Variants in ALMS1 observed in about 807,000 individuals in gnomAD.
The protein encoded by ALMS1 is centrosome-associated protein ALMS1.
Under a neutral mutation model 352.2 loss-of-function variants are expected in ALMS1, and 271 were observed. That is an observed-to-expected ratio of 0.77 (90% CI 0.70 to 0.85). ALMS1 has a LOEUF of 0.85. Ranked by LOEUF, ALMS1 falls within the 40% of genes least tolerant of loss-of-function variation. The probability of loss-of-function intolerance (pLI) is 0.00; values close to 1 mark genes in which losing one functional copy is unlikely to be tolerated. For missense variants in ALMS1, 5,445 were observed against 4,870.7 expected, an observed-to-expected ratio of 1.12 and a Z score of -3.51; for synonymous variants, 1,865 against 1,761.2, an observed-to-expected ratio of 1.06 and a Z score of -1.48.
At chr2:73,604,668 T>G (rs143997341) in intron 21 of ALMS1, among the ~76,000 whole-genome samples, 76 of 152,342 alleles carry the variant, frequency 5.0e-4, no homozygotes, top group African/African-American at 1.8e-3. Context: ...TTTGGATGCT[T>G]TAGTCCAGTG....
At chr2:73,536,000 G>A (rs1227745489) in intron 12 of ALMS1, among the ~76,000 whole-genome samples, 4 of 151,776 alleles carry the variant, frequency 2.6e-5, no homozygotes, top group Non-Finnish European at 4.4e-5. Flanking sequence ...ATACAACCTC[G>A]CCTGATTTCC....
intron 14 of ALMS1, among the ~76,000 whole-genome samples, chr2:73,558,136 G>T (rs1455017526): frequency 6.6e-6 from 1 of 152,194 alleles, no homozygotes; most frequent in Non-Finnish European, 1.5e-5. Context: ...ATGGTCACAT[G>T]TACCAGGGAA....
intron 16 of ALMS1, among the ~76,000 whole-genome samples, chr2:73,594,044 T>C (rs1055687827): frequency 1.3e-5 from 2 of 152,256 alleles, no homozygotes; most frequent in Non-Finnish European, 2.9e-5. Context: ...AATATTCATG[T>C]AGAAGTTTTT....
intron 12 of ALMS1, 34 bp from the exon 13 acceptor site, chr2:73,550,233 T>A: frequency 6.2e-7 from 1 of 1,612,096 alleles, no homozygotes; most frequent in Non-Finnish European, 8.5e-7. Context: ...ATGTCGCTAT[T>A]TGTGTTTTGT....
chr2:73,481,997 T>C (rs529591368), intron 9 of ALMS1, among the ~76,000 whole-genome samples: 1 of 152,316 alleles, frequency 6.6e-6, no homozygotes, highest in South Asian at 2.1e-4. Flanking sequence ...TGGGGTTTTC[T>C]AGATATACAA....
chr2:73,481,483 T>A (rs1365549092), intron 9 of ALMS1, among the ~76,000 whole-genome samples: 2 of 152,194 alleles, frequency 1.3e-5, no homozygotes, highest in Admixed American at 1.3e-4. Context: ...ACTGTAGCCT[T>A]GTAGTATAGT....
intron 9 of ALMS1, among the ~76,000 whole-genome samples, chr2:73,482,797 T>G (rs1480037827): frequency 6.6e-6 from 1 of 151,516 alleles, no homozygotes; most frequent in Non-Finnish European, 1.5e-5. Context: ...TCTTCCTGGT[T>G]TAGTCTTGGG....
At chr2:73,479,272 T>C (rs1224411301) in intron 9 of ALMS1, among the ~76,000 whole-genome samples, 1 of 152,198 alleles carries the variant, frequency 6.6e-6, no homozygotes, top group Non-Finnish European at 1.5e-5. Context: ...TGTGGTGATA[T>C]ATCACAACCA....
chr2:73,519,585 T>C (rs1278750226), intron 10 of ALMS1, among the ~76,000 whole-genome samples, 190 bp from the exon 11 acceptor site: 2 of 152,256 alleles, frequency 1.3e-5, no homozygotes, highest in African/African-American at 2.4e-5. Context: ...AGTAAACATG[T>C]GTGATAACAT....
At chr2:73,536,026 G>GA (rs1281010543) in intron 12 of ALMS1, among the ~76,000 whole-genome samples, 8 of 151,554 alleles carry the variant, frequency 5.3e-5, no homozygotes, top group Admixed American at 4.6e-4. Flanking sequence ...TGATGGCATT[G>GA]AAAAAAAAGA....
At chr2:73,421,185 A>C (rs1222464665) in intron 3 of ALMS1, among the ~76,000 whole-genome samples, 1 of 152,144 alleles carries the variant, frequency 6.6e-6, no homozygotes, top group Non-Finnish European at 1.5e-5. Context: ...TGCTGCTTGT[A>C]ACTTACTTGT....
Position 73,490,851 on chromosome 2 carries a change from T to A in ALMS1, c.8892T>A (p.Ile2964=). The A allele has an allele frequency of 6.2e-7, 1 of 1,613,964 alleles. No homozygotes were observed. The highest frequency in any genetic ancestry group is 8.5e-7 in the Non-Finnish European group (1 of 1,179,996). Reference sequence around the variant, plus strand: ...TAGCTTCAGACCTTCCGTCTCCCATTTCTCTTGAACAATGCCAAAGCAAAG... The same window carrying A: ...TAGCTTCAGACCTTCCGTCTCCCATATCTCTTGAACAATGCCAAAGCAAAG... ...DSIASDLPSP[I]SLEQCQSKAP... Residue 2964 remains isoleucine (I), a synonymous_variant, in exon 10 of 23, where the codon ATT becomes ATA. Coordinates refer to ENST00000613296, the MANE Select transcript of ALMS1 (RefSeq NM_001378454.1).
At position 73,579,078 on chromosome 2, in the gene ALMS1, T is replaced by A. The variant is rs1004344075; in HGVS notation, c.11547+5654T>A. On this transcript the variant is annotated intron_variant, in intron 16 of 22. Transcript: ENST00000613296. ...CTCCTTTATTCTTTTTTTATTTATT[T>A]TTTTTTTTGAGACGGAGTCGTCCTG... is the stretch of plus-strand genomic sequence containing the variant. 5.6e-5 allele frequency among the ~76,000 whole-genome samples: 8 copies of A among 143,972 alleles called. No individual in the cohort carries two copies. In the East Asian group the frequency reaches 1.2e-3, roughly 21 times the overall value. The allele number at this position is 143,972 out of a possible 152,430, so 94.5% of individuals were successfully genotyped here.
intron 16 of ALMS1, among the ~76,000 whole-genome samples, chr2:73,579,999 T>G (rs969986788): frequency 1.3e-5 from 2 of 152,232 alleles, no homozygotes; most frequent in Non-Finnish European, 2.9e-5. Flanking sequence ...CTTTTGGGAT[T>G]CCTAATATGC....
chr2:73,473,837 A>G (rs1396940450), intron 9 of ALMS1, among the ~76,000 whole-genome samples: 2 of 152,058 alleles, frequency 1.3e-5, no homozygotes, highest in Non-Finnish European at 1.5e-5. Context: ...GAGGAGAAGA[A>G]AGAGAAAAGA....
At chr2:73,432,404 A>G (rs114424447) in intron 7 of ALMS1, 113 bp downstream of exon 7, 47 of 715,308 alleles carry the variant, frequency 6.6e-5, no homozygotes, top group Non-Finnish European at 1.1e-4. Flanking sequence ...ATTATACTTC[A>G]GATTAGATGT....
At chr2:73,566,242 A>C (rs191556840) in intron 15 of ALMS1, among the ~76,000 whole-genome samples, 14 of 152,358 alleles carry the variant, frequency 9.2e-5, no homozygotes, top group Middle Eastern at 3.4e-3. Context: ...TTCTTAAAGA[A>C]AACACTTTAC....
intron 1 of ALMS1, among the ~76,000 whole-genome samples, chr2:73,395,142 C>T (rs1169340568): frequency 7.4e-6 from 1 of 135,642 alleles, no homozygotes; most frequent in Non-Finnish European, 1.5e-5. Flanking sequence ...AGTGCAGTGA[C>T]ACAATCTCCG....
chr2:73,549,947 C>T (rs1017416722), intron 12 of ALMS1, among the ~76,000 whole-genome samples: 3 of 152,156 alleles, frequency 2.0e-5, no homozygotes, highest in Non-Finnish European at 4.4e-5. Flanking sequence ...GCAACCTCTG[C>T]CTCCCAGGTT....
Sources: allele counts gnomAD v4.1 joint callset (sites outside exome capture counted in the v4.1 genomes callset), GRCh38; gene constraint gnomAD v4.1.1; transcripts MANE v1.5; gene names NCBI Gene and HGNC (gene_info 2026-07-23, HGNC 2026-07-21).